The following TJAP1 variants were observed in gnomAD, a reference collection of about 807,000 sequenced individuals.
TJAP1 encodes the protein tight junction associated protein 1.
A neutral mutation model predicts 42.0 loss-of-function variants in TJAP1; 27 were observed. The observed-to-expected ratio is 0.64, with a 90% CI of 0.47 to 0.89. The LOEUF (loss-of-function observed/expected upper bound fraction) is 0.89. Among genes scored for constraint, TJAP1 ranks in the 40% least tolerant of loss-of-function variants. The pLI is 0.00. For missense variants in TJAP1, 712 were observed against 726.9 expected (o/e 0.98, Z 0.24); for synonymous variants, 257 against 288.4 (o/e 0.89, Z 1.10).
intron 6 of TJAP1, 42 bp downstream of exon 6, chr6:43,501,729 C>T: frequency 1.5e-6 from 1 of 681,834 alleles, no homozygotes; most frequent in Non-Finnish European, 2.7e-6. Context: ...CACACACACA[C>T]ACACACACAC....
exon 11 of TJAP1, chr6:43,506,015 G>T: frequency 1.5e-6 from 1 of 650,168 alleles, no homozygotes; most frequent in Non-Finnish European, 2.3e-6. Context: ...GCCATGCCAG[G>T]CCTGTCAGCT....
chr6:43,500,689 C>A, intron 4 of TJAP1, 55 bp from the exon 5 acceptor site: 1 of 1,611,274 alleles, frequency 6.2e-7, no homozygotes, highest in Non-Finnish European at 8.5e-7. Flanking sequence ...GAGGGTGAGC[C>A]AGCCGGGGGT....
rs112078628 is a variant in TJAP1 at position 43,491,285 on chromosome 6, G to T, written c.-121-6596G>T. On this transcript the variant is annotated intron_variant, in intron 2 of 10. Coordinates refer to ENST00000372449, the Ensembl canonical transcript of TJAP1. The surrounding 1 kb of genome is among the most constrained non-coding windows in gnomAD (Gnocchi z 4.6). ...ATATCCATGTTGACCAGAAATATCT[G>T]TTTGTTTTTTTGGGTTTTTTTTGAG... Among the ~76,000 whole-genome samples, 2,802 of 152,210 alleles carry T rather than the reference G, an allele frequency of 0.018. 35 individuals carry two copies. Among genetic ancestry groups the T allele is most frequent in the South Asian group, 0.039 (188 of 4,818 alleles).
At chr6:43,483,074 A>T (rs1785644995) in intron 2 of TJAP1, among the ~76,000 whole-genome samples, 1 of 151,992 alleles carries the variant, frequency 6.6e-6, no homozygotes, top group Non-Finnish European at 1.5e-5. Flanking sequence ...GTGAACCAAG[A>T]TCGTGCCATT....
intron 2 of TJAP1, 100 bp from the exon 3 acceptor site, chr6:43,497,781 T>TA (rs1562265975): frequency 6.6e-6 from 1 of 152,282 alleles, no homozygotes; most frequent in African/African-American, 2.4e-5. Flanking sequence ...TGGTTCTCCC[T>TA]GGGGGGCCTT....
At chr6:43,500,113 G>A (rs190716808) in intron 4 of TJAP1, among the ~76,000 whole-genome samples, 73 of 152,268 alleles carry the variant, frequency 4.8e-4, no homozygotes, top group African/African-American at 1.6e-3. Context: ...TTTCCCTCTC[G>A]CGATAGCAGG....
At position 43,503,946 on chromosome 6, in the gene TJAP1, A is replaced by G. The variant is rs1791605533; in HGVS notation, c.579+240A>G. The G allele has an allele frequency of 8.6e-6, 6 of 694,138 alleles. No homozygotes were observed. The East Asian group carries it at 1.7e-4, about 20-fold the overall frequency. The allele number at this position is 694,138 out of a possible 1,614,324, so 43.0% of individuals were successfully genotyped here. A position where few individuals can be genotyped will look rare whatever the true frequency, so the allele number is the denominator to read the frequency against. ...TGGTTTCTGTAACAGAGACAGAGAG[A>G]GAAGATCCTGGGCAGGAAGGAGAGG... On this transcript the variant is annotated intron_variant, in intron 10 of 10. Transcript: ENST00000372449.
At chr6:43,489,391 C>T (rs1194899480) in intron 2 of TJAP1, among the ~76,000 whole-genome samples, 2 of 152,168 alleles carry the variant, frequency 1.3e-5, no homozygotes, top group African/African-American at 2.4e-5. Flanking sequence ...GTTGACTGGC[C>T]CAGCTGTAGG....
At position 43,505,397 on chromosome 6, in the gene TJAP1, T is replaced by C; in HGVS notation, c.1216T>C (p.Ser406Pro). Residue 406 changes from serine (S) to proline (P), a missense_variant, in exon 11 of 11, where the codon TCT becomes CCT. Ser to Pro is a moderately conservative substitution (Grantham distance 74). Transcript: ENST00000372449. The surrounding 1 kb of genome is among the most constrained non-coding windows in gnomAD (Gnocchi z 5.5). The stretch of plus-strand genomic sequence containing the variant: ...CAGTGCCCCAGCTAGCTCTGCCAGC[T>C]CTGAAGAGGACCTGCTGGTCAGCTG... 2 of 1,611,766 alleles carry C rather than the reference T, an allele frequency of 1.2e-6. No individual in the cohort carries two copies. Among genetic ancestry groups the C allele is most frequent in the Non-Finnish European group, 1.7e-6 (2 of 1,179,954 alleles).
intron 2 of TJAP1, among the ~76,000 whole-genome samples, chr6:43,496,031 G>A (rs1448142605): frequency 6.6e-6 from 1 of 152,142 alleles, no homozygotes; most frequent in South Asian, 2.1e-4. Flanking sequence ...GAATAGAGGA[G>A]GGGCACACAA....
chr6:43,503,686 C>A (rs1382298758), exon 10 of TJAP1: 1 of 1,614,016 alleles, frequency 6.2e-7, no homozygotes, highest in African/African-American at 1.3e-5. Flanking sequence ...GTCCCACTTC[C>A]GAAACCACAA....
At chr6:43,497,042 C>T (rs1789352300) in intron 2 of TJAP1, 1 of 152,312 alleles carries the variant, frequency 6.6e-6, no homozygotes, top group African/African-American at 2.4e-5. Flanking sequence ...CAGGTGTCTC[C>T]AACTCCCCCG....
chr6:43,488,587 C>T (rs933584783), intron 2 of TJAP1, among the ~76,000 whole-genome samples: 1 of 152,154 alleles, frequency 6.6e-6, no homozygotes, highest in African/African-American at 2.4e-5. Flanking sequence ...TTTCTCAAAT[C>T]CTATATTAGT....
At chr6:43,480,703 C>T (rs549031421) in intron 2 of TJAP1, among the ~76,000 whole-genome samples, 11 of 152,168 alleles carry the variant, frequency 7.2e-5, no homozygotes, top group East Asian at 1.9e-4. Flanking sequence ...TTAGTAGAAA[C>T]GGGGGTTTCA....
chr6:43,502,490 G>T, intron 7 of TJAP1, 98 bp from the exon 8 acceptor site: 1 of 1,495,692 alleles, frequency 6.7e-7, no homozygotes, highest in Non-Finnish European at 9.1e-7. Flanking sequence ...ACTGCAGTGT[G>T]CTCTGCAAGT....
In TJAP1 at chr6:43,505,003, A is replaced by G. The variant is rs1791957886; in HGVS notation, c.822A>G (p.Pro274=). The change falls in exon 11 of 11, where the codon CCA becomes CCG. Residue 274 remains proline, a synonymous_variant. Transcript: ENST00000372449. The surrounding 1 kb of genome is among the most constrained non-coding windows in gnomAD (Gnocchi z 5.5). Reference sequence around the variant, plus strand: ...TGAGTGAGGGTGTCCCAGGTGATCCAGCCAGTCCCCCGGCCCCTGGCAGCC... The same window carrying G: ...TGAGTGAGGGTGTCCCAGGTGATCCGGCCAGTCCCCCGGCCCCTGGCAGCC... 6.2e-7 allele frequency: 1 copy of G among 1,614,070 alleles called. No individual in the cohort carries two copies. Among genetic ancestry groups the G allele is most frequent in the Non-Finnish European group, 8.5e-7 (1 of 1,180,010 alleles).
chr6:43,503,827 TC>T, intron 10 of TJAP1, 121 bp downstream of exon 10: 1 of 856,838 alleles, frequency 1.2e-6, no homozygotes, highest in Non-Finnish European at 2.0e-6. Context: ...TCCTCTTGCC[TC>T]CATGTCACCT....
At position 43,491,317 on chromosome 6, in the gene TJAP1, T is replaced by G. The variant is rs1787775386; in HGVS notation, c.-121-6564T>G. Among the ~76,000 whole-genome samples the G allele has an allele frequency of 6.6e-6, 1 of 151,866 alleles. No individual in the cohort carries two copies. The highest frequency in any genetic ancestry group is 1.5e-5 in the Non-Finnish European group (1 of 67,958). On this transcript the variant is annotated intron_variant, in intron 2 of 10. Coordinates refer to ENST00000372449, the Ensembl canonical transcript of TJAP1. This position sits in a 1 kb window ranked among gnomAD's most constrained non-coding sequence, Gnocchi z 4.6. The stretch of plus-strand genomic sequence containing the variant: ...TTTTTGGGTTTTTTTTGAGACAGAG[T>G]TTCGCTCTTGTTGCCCAGGCTGGAG...
chr6:43,485,308 C>T (rs1469177377), intron 2 of TJAP1, among the ~76,000 whole-genome samples: 1 of 152,180 alleles, frequency 6.6e-6, no homozygotes, highest in African/African-American at 2.4e-5. Context: ...CTTCCTGTGC[C>T]ACAGAACAGG....
Sources: allele counts gnomAD v4.1 joint callset (sites outside exome capture counted in the v4.1 genomes callset), GRCh38; gene constraint gnomAD v4.1.1; non-coding constraint Gnocchi (gnomAD v3.1); transcripts MANE v1.5; gene names NCBI Gene and HGNC (gene_info 2026-07-23, HGNC 2026-07-21).